The following BMP2K variants were observed in gnomAD, a reference collection of about 807,000 sequenced individuals.
The protein encoded by BMP2K is BMP2 inducible kinase, also known as BMP-2-inducible protein kinase.
A neutral mutation model predicts 116.0 loss-of-function variants in BMP2K; 74 were observed. The observed-to-expected ratio is 0.64, with a 90% CI of 0.53 to 0.77. The LOEUF is 0.77. Among genes scored for constraint, BMP2K ranks in the 30% least tolerant of loss-of-function variants. BMP2K has a pLI of 0.00. For missense variants in BMP2K, 1,365 were observed against 1,403.6 expected (o/e 0.97, Z 0.44); for synonymous variants, 486 against 502.5 (o/e 0.97, Z 0.44).
chr4:78,911,971 C>T lies in BMP2K; in HGVS notation c.3424C>T (p.Gln1142Ter). 1 of 1,613,928 alleles carries T rather than the reference C, an allele frequency of 6.2e-7. No homozygotes were observed. The highest frequency in any genetic ancestry group is 8.5e-7 in the Non-Finnish European group (1 of 1,179,846). The change falls in exon 16 of 16, where the codon CAA becomes TAA. Residue 1142 changes from glutamine (Q) to a stop codon, truncating the protein, a stop_gained. Transcript: ENST00000502613. LOFTEE classifies it high-confidence loss of function. The part of the protein sequence containing the change: ...VVQSITPHQS[Q>*]QSQPVELDPF... ...GCAAAGCATCACTCCACATCAGTCCCAACAGTCCCAACCAGTCGAATTAGA... is the reference window on the plus strand; with the variant it reads ...GCAAAGCATCACTCCACATCAGTCCTAACAGTCCCAACCAGTCGAATTAGA...
chr4:78,783,144 T>C (rs1727586682), intron 1 of BMP2K, among the ~76,000 whole-genome samples: 2 of 152,220 alleles, frequency 1.3e-5, no homozygotes, highest in African/African-American at 4.8e-5. Flanking sequence ...CACATTTGTG[T>C]TTGAAAAATA....
intron 2 of BMP2K, among the ~76,000 whole-genome samples, chr4:78,832,402 A>G (rs1004662490): frequency 6.6e-6 from 1 of 152,168 alleles, no homozygotes; most frequent in Admixed American, 6.5e-5. Context: ...TTACTAACAC[A>G]CATATTACAA....
At chr4:78,798,745 C>T (rs906578421) in intron 1 of BMP2K, among the ~76,000 whole-genome samples, 1 of 152,180 alleles carries the variant, frequency 6.6e-6, no homozygotes, top group African/African-American at 2.4e-5. Context: ...TTTACAATAT[C>T]ACTGCCTTCT....
chr4:78,805,063 G>C (rs1728751585), intron 1 of BMP2K, among the ~76,000 whole-genome samples: 1 of 152,062 alleles, frequency 6.6e-6, no homozygotes, highest in South Asian at 2.1e-4. Flanking sequence ...TTAGGTCTTT[G>C]TTCCATCTGG....
At chr4:78,810,256 C>T (rs1160604555) in intron 1 of BMP2K, among the ~76,000 whole-genome samples, 1 of 152,112 alleles carries the variant, frequency 6.6e-6, no homozygotes, top group Non-Finnish European at 1.5e-5. Context: ...TTTTGCAGAG[C>T]CTTAAAGACA....
intron 1 of BMP2K, among the ~76,000 whole-genome samples, chr4:78,795,191 TG>T (rs1728193417): frequency 6.6e-6 from 1 of 152,264 alleles, no homozygotes; most frequent in Non-Finnish European, 1.5e-5. Flanking sequence ...ATAACTTTTT[TG>T]TCTTTCTCTC....
intron 3 of BMP2K, among the ~76,000 whole-genome samples, chr4:78,841,859 A>C (rs916369310): frequency 1.3e-5 from 2 of 151,952 alleles, no homozygotes; most frequent in African/African-American, 4.8e-5. Flanking sequence ...TTATCCTTCA[A>C]TCTCAAATAT....
At chr4:78,859,746 A>T in intron 8 of BMP2K, 59 bp downstream of exon 8, 1 of 1,200,122 alleles carries the variant, frequency 8.3e-7, no homozygotes, top group African/African-American at 1.5e-5. Context: ...ATGTGAATAT[A>T]TTTACTTTCA....
At chr4:78,826,462 C>A (rs1250760961) in intron 2 of BMP2K, among the ~76,000 whole-genome samples, 2 of 152,144 alleles carry the variant, frequency 1.3e-5, no homozygotes, top group Non-Finnish European at 2.9e-5. Flanking sequence ...CTTGGCCTCC[C>A]AAACTGTTGG....
intron 14 of BMP2K, among the ~76,000 whole-genome samples, chr4:78,881,833 A>G (rs73830215): frequency 0.017 from 2,537 of 152,186 alleles, 62 homozygotes; most frequent in African/African-American, 0.058. Flanking sequence ...GCCCATCAGT[A>G]TAATATAAAT....
intron 14 of BMP2K, chr4:78,879,639 G>GTA (rs1732803317): frequency 6.3e-6 from 1 of 158,632 alleles, no homozygotes; most frequent in African/African-American, 2.4e-5. Flanking sequence ...GTGTGTGTGT[G>GTA]TGTGTGTGCA....
At chr4:78,828,715 T>G (rs552680938) in intron 2 of BMP2K, among the ~76,000 whole-genome samples, 2 of 152,362 alleles carry the variant, frequency 1.3e-5, no homozygotes, top group South Asian at 4.1e-4. Context: ...CACTACACTG[T>G]AGTCTATAAA....
chr4:78,860,146 G>A (rs958549292), intron 8 of BMP2K: 9 of 483,778 alleles, frequency 1.9e-5, no homozygotes, highest in Admixed American at 7.2e-5. Context: ...CAATGTGTAC[G>A]CATAGATATA....
intron 6 of BMP2K, among the ~76,000 whole-genome samples, chr4:78,847,981 C>G (rs546092652): frequency 6.6e-6 from 1 of 151,604 alleles, no homozygotes; most frequent in East Asian, 1.9e-4. Flanking sequence ...GGAAATAGTT[C>G]TAGGGTTTGT....
At chr4:78,808,258 T>C (rs1217592896) in intron 1 of BMP2K, among the ~76,000 whole-genome samples, 1 of 150,988 alleles carries the variant, frequency 6.6e-6, no homozygotes, top group Non-Finnish European at 1.5e-5. Context: ...ATTTGAGATC[T>C]TGCTTCCTTT....
intron 2 of BMP2K, 80 bp from the exon 3 acceptor site, chr4:78,833,502 T>G (rs1730309306): frequency 1.1e-6 from 1 of 922,106 alleles, no homozygotes; most frequent in Non-Finnish European, 1.6e-6. Flanking sequence ...TTCTTTACAT[T>G]AATTTAGGCT....
intron 1 of BMP2K, among the ~76,000 whole-genome samples, chr4:78,803,329 AT>A (rs1371288964): frequency 1.3e-5 from 2 of 151,710 alleles, no homozygotes; most frequent in Admixed American, 1.3e-4. Context: ...CTTCTATTTG[AT>A]TTAATCCTTG....
chr4:78,847,142 A>G (rs749702364), intron 5 of BMP2K, 46 bp from the exon 6 acceptor site: 1 of 628,936 alleles, frequency 1.6e-6, no homozygotes, highest in Non-Finnish European at 2.2e-6. Context: ...TCTTTTTTTT[A>G]TATATATATA....
intron 15 of BMP2K, among the ~76,000 whole-genome samples, chr4:78,894,416 G>A (rs531170038): frequency 2.0e-5 from 3 of 152,120 alleles, no homozygotes; most frequent in African/African-American, 7.2e-5. Flanking sequence ...CACTTCCTGC[G>A]TTACCTGTAC....
Sources: allele counts gnomAD v4.1 joint callset (sites outside exome capture counted in the v4.1 genomes callset), GRCh38; gene constraint gnomAD v4.1.1; transcripts MANE v1.5; gene names NCBI Gene and HGNC (gene_info 2026-07-23, HGNC 2026-07-21).